PPP6R2: variants seen among roughly 807,000 people sequenced by gnomAD.
PPP6R2 encodes serine/threonine-protein phosphatase 6 regulatory subunit 2.
A neutral mutation model predicts 100.2 loss-of-function variants in PPP6R2; 62 were observed. The ratio of observed to expected loss-of-function variants is 0.62; its 90% CI spans 0.50 to 0.76. The LOEUF (loss-of-function observed/expected upper bound fraction) is 0.76. Among genes scored for constraint, PPP6R2 ranks in the 30% least tolerant of loss-of-function variants. The pLI is 0.00. For synonymous variants in PPP6R2, 525 were observed against 514.7 expected (o/e 1.02, Z -0.27); for missense variants, 1,142 against 1,276.3 (o/e 0.89, Z 1.60).
At chr22:50,398,261 T>G (rs1258914550) in intron 3 of PPP6R2, among the ~76,000 whole-genome samples, 2 of 151,000 alleles carry the variant, frequency 1.3e-5, no homozygotes, top group African/African-American at 2.4e-5. Flanking sequence ...AACCTCCGCG[T>G]CCCAGGTTCA....
intron 2 of PPP6R2, among the ~76,000 whole-genome samples, chr22:50,380,916 G>C (rs150559721): frequency 0.087 from 13,093 of 149,824 alleles, 1,635 homozygotes; most frequent in African/African-American, 0.28. Flanking sequence ...CTGAACCCAG[G>C]AGGCGGAGCT....
intron 2 of PPP6R2, among the ~76,000 whole-genome samples, chr22:50,379,066 G>C (rs928642623): frequency 6.6e-6 from 1 of 152,130 alleles, no homozygotes; most frequent in South Asian, 2.1e-4. Flanking sequence ...TGAATCTGCT[G>C]CTGCCTTGGT....
chr22:50,357,153 G>A (rs1011432828), intron 1 of PPP6R2, among the ~76,000 whole-genome samples: 8 of 151,980 alleles, frequency 5.3e-5, no homozygotes, highest in Admixed American at 1.3e-4. Context: ...GGTGCCTTAC[G>A]GGCCATTCGT....
chr22:50,407,780 A>C (rs1033442312), intron 4 of PPP6R2, among the ~76,000 whole-genome samples: 2 of 152,188 alleles, frequency 1.3e-5, no homozygotes. Context: ...CGCCTTGGCC[A>C]GTCTTCTTTC....
chr22:50,444,717 C>T lies in PPP6R2; in HGVS notation c.*470C>T, dbSNP rs2066660726. The T allele has an allele frequency of 5.7e-6, 1 of 174,680 alleles. No individual in the cohort carries two copies. Among genetic ancestry groups the T allele is most frequent in the African/African-American group, 2.4e-5 (1 of 41,604 alleles). 10.8% of individuals were successfully genotyped at this position (174,680 alleles called of 1,614,324 possible). A position where few individuals can be genotyped will look rare whatever the true frequency, so the allele number is the denominator to read the frequency against. On this transcript the variant is annotated 3_prime_UTR_variant, in exon 24 of 24. Coordinates refer to ENST00000612753, the MANE Select transcript of PPP6R2 (RefSeq NM_001242898.2). ...GCAAGCTCAGGGCAGAGTCAAGGGC[C>T]TGGGTTGGAAAAACCTGACTCACAG... is the stretch of plus-strand genomic sequence containing the variant.
intron 19 of PPP6R2, 30 bp from the exon 20 acceptor site, chr22:50,439,671 C>T (rs149479606): frequency 1.4e-5 from 21 of 1,532,834 alleles, no homozygotes; most frequent in South Asian, 7.4e-5. Context: ...GGCCTGCCCA[C>T]GCCTGACCAC....
chr22:50,361,351 A>C (rs975719952), intron 1 of PPP6R2, among the ~76,000 whole-genome samples: 2 of 152,200 alleles, frequency 1.3e-5, no homozygotes, highest in Non-Finnish European at 2.9e-5. Context: ...TGCGCTAGTC[A>C]TGTAATTACT....
intron 2 of PPP6R2, among the ~76,000 whole-genome samples, chr22:50,381,892 A>C (rs2053133869): frequency 6.7e-6 from 1 of 149,620 alleles, no homozygotes; most frequent in Non-Finnish European, 1.5e-5. Context: ...CGGGTGACAG[A>C]GCGAGACTCC....
intron 5 of PPP6R2, among the ~76,000 whole-genome samples, chr22:50,414,994 C>T (rs930915187): frequency 3.9e-5 from 6 of 152,258 alleles, no homozygotes; most frequent in African/African-American, 1.4e-4. Flanking sequence ...CCTGCCAGCG[C>T]CCACCCCTGT....
chr22:50,371,052 C>T (rs961326221), intron 1 of PPP6R2, among the ~76,000 whole-genome samples: 16 of 152,134 alleles, frequency 1.1e-4, no homozygotes, highest in African/African-American at 3.9e-4. Context: ...AAGAGCTAAA[C>T]GTCAGACCTT....
chr22:50,429,244 T>C (rs1824585057), intron 10 of PPP6R2, among the ~76,000 whole-genome samples: 1 of 152,236 alleles, frequency 6.6e-6, no homozygotes, highest in Non-Finnish European at 1.5e-5. Context: ...TTGGCCAGGC[T>C]GGTCTTGAAC....
At chr22:50,369,303 T>TG (rs1317162678) in intron 1 of PPP6R2, among the ~76,000 whole-genome samples, 1 of 140,286 alleles carries the variant, frequency 7.1e-6, no homozygotes, top group African/African-American at 3.1e-5. Context: ...AAAAGTGGGC[T>TG]GAAAGCCTAT....
intron 22 of PPP6R2, among the ~76,000 whole-genome samples, chr22:50,442,418 C>G (rs2065874056): frequency 6.6e-6 from 1 of 152,232 alleles, no homozygotes; most frequent in Non-Finnish European, 1.5e-5. Flanking sequence ...GGGGGCACAG[C>G]ACGGGAAACG....
At position 50,414,370 on chromosome 22, in the gene PPP6R2, C is replaced by T. The variant is rs555429704; in HGVS notation, c.415-182C>T. Among the ~76,000 whole-genome samples the T allele has an allele frequency of 2.1e-5, 3 of 141,478 alleles. No homozygotes were observed. In the South Asian group the frequency reaches 7.4e-4, roughly 35 times the overall value. The allele number at this position is 141,478 out of a possible 152,430, so 92.8% of individuals were successfully genotyped here. ...CCCCCCGCCCAGACCCTCACATACA[C>T]CACTGCCTGGTAGGACTCTGCCTGT... On this transcript the variant is annotated intron_variant, in intron 4 of 23. Transcript: ENST00000612753.
In PPP6R2 at chr22:50,431,818, G is replaced by A. The variant is rs2063198949; in HGVS notation, c.1335+436G>A. Among the ~76,000 whole-genome samples, 1 of 152,162 alleles carries A rather than the reference G, an allele frequency of 6.6e-6. No individual in the cohort carries two copies. Among genetic ancestry groups the A allele is most frequent in the Non-Finnish European group, 1.5e-5 (1 of 68,024 alleles). ...ATATCGTAGTGTGAGGTGGAGCCCA[G>A]GAAAAACATCTCAGGTACAAGAAGT... is the stretch of plus-strand genomic sequence containing the variant. On this transcript the variant is annotated intron_variant, in intron 11 of 23. Coordinates refer to ENST00000612753, the MANE Select transcript of PPP6R2 (RefSeq NM_001242898.2). The surrounding 1 kb of genome is among the most constrained non-coding windows in gnomAD (Gnocchi z 4.8).
upstream of PPP6R2, among the ~76,000 whole-genome samples, chr22:50,340,137 C>T (rs796631365): frequency 2.6e-5 from 1 of 38,548 alleles, no homozygotes. Context: ...GTGGTGTGTA[C>T]AGTGTGTGGT....
At chr22:50,444,139 G>A (rs757974591) in intron 23 of PPP6R2, 22 bp downstream of exon 23, 3 of 1,611,762 alleles carry the variant, frequency 1.9e-6, no homozygotes, top group East Asian at 4.5e-5. Flanking sequence ...GAGTGTGGGG[G>A]TAGGGGGTGT....
chr22:50,386,429 C>G (rs977397666), intron 2 of PPP6R2, among the ~76,000 whole-genome samples: 2 of 152,172 alleles, frequency 1.3e-5, no homozygotes, highest in Non-Finnish European at 2.9e-5. Context: ...GTGTGAGCCA[C>G]TACGCCCGGC....
intron 1 of PPP6R2, among the ~76,000 whole-genome samples, chr22:50,370,891 C>G (rs926883653): frequency 3.9e-5 from 6 of 152,190 alleles, no homozygotes. Flanking sequence ...CTCGGCCTCC[C>G]AAAGTGTTGG....
Sources: gnomAD v4.1 joint callset for allele counts (sites outside exome capture counted in the v4.1 genomes callset) on GRCh38, gnomAD v4.1.1 for gene constraint, Gnocchi (gnomAD v3.1) non-coding constraint, MANE v1.5 for transcripts, NCBI Gene and HGNC (gene_info 2026-07-23, HGNC 2026-07-21) for gene names.